The following PKNOX2 variants were observed in gnomAD, a reference collection of about 807,000 sequenced individuals.
PKNOX2 encodes PBX/knotted 1 homeobox 2.
Under a neutral mutation model 53.1 loss-of-function variants are expected in PKNOX2, and 14 were observed. The observed-to-expected ratio is 0.26, with a 90% CI of 0.17 to 0.41. The LOEUF is 0.41. Ranked by LOEUF, PKNOX2 falls within the 10% of genes least tolerant of loss-of-function variation. The pLI, the probability that PKNOX2 is intolerant of heterozygous loss-of-function variation, is 1.00. For missense variants in PKNOX2, 496 were observed against 602.8 expected (o/e 0.82, Z 1.85); for synonymous variants, 257 against 242.8 (o/e 1.06, Z -0.54).
chr11:125,257,692 C>G (rs12285617), intron 2 of PKNOX2, among the ~76,000 whole-genome samples: 49,063 of 152,118 alleles, frequency 0.32, 8,227 homozygotes, highest in African/African-American at 0.35. Context: ...GTCCACCACA[C>G]GGCAAGGACT....
chr11:125,317,055 A>G (rs1308043021), intron 2 of PKNOX2, among the ~76,000 whole-genome samples: 1 of 152,208 alleles, frequency 6.6e-6, no homozygotes, highest in Non-Finnish European at 1.5e-5. Flanking sequence ...CTTCACCAGG[A>G]GGAGATTCCA....
chr11:125,182,731 T>C (rs1956222671), intron 1 of PKNOX2, among the ~76,000 whole-genome samples: 1 of 152,178 alleles, frequency 6.6e-6, no homozygotes, highest in Non-Finnish European at 1.5e-5. Flanking sequence ...TCCAAATTCA[T>C]GGCTCCTGGC....
chr11:125,291,456 G>A (rs1371188219), intron 2 of PKNOX2, among the ~76,000 whole-genome samples: 1 of 152,176 alleles, frequency 6.6e-6, no homozygotes, highest in African/African-American at 2.4e-5. Flanking sequence ...AGCACAGACT[G>A]AGTCATCTTC....
intron 2 of PKNOX2, among the ~76,000 whole-genome samples, chr11:125,324,509 A>G (rs1205698489): frequency 6.6e-6 from 1 of 152,128 alleles, no homozygotes; most frequent in African/African-American, 2.4e-5. Flanking sequence ...TTGAGATTCC[A>G]TTTAGGATTA....
intron 2 of PKNOX2, among the ~76,000 whole-genome samples, chr11:125,291,433 C>A (rs868454023): frequency 6.6e-6 from 1 of 152,180 alleles, no homozygotes; most frequent in Non-Finnish European, 1.5e-5. Flanking sequence ...GTGCACAGAA[C>A]TCTGTCTCCT....
Position 125,391,904 on chromosome 11 carries a change from A to T in PKNOX2, c.400-5970A>T, listed in dbSNP as rs115874704. Among the ~76,000 whole-genome samples the T allele has an allele frequency of 5.9e-3, 904 of 152,316 alleles. 10 individuals carry two copies. Among genetic ancestry groups the T allele is most frequent in the African/African-American group, 0.02 (827 of 41,556 alleles). ...AGTGGCATTGTTATTGCCCTAGAAG[A>T]TTTGGAATAAATTTTCACATGACCC... is the stretch of plus-strand genomic sequence containing the variant. On this transcript the variant is annotated intron_variant, in intron 6 of 12. Coordinates refer to ENST00000298282, the MANE Select transcript of PKNOX2 (RefSeq NM_001382323.2).
chr11:125,252,010 C>A, intron 2 of PKNOX2, among the ~76,000 whole-genome samples: 1 of 152,072 alleles, frequency 6.6e-6, no homozygotes, highest in East Asian at 1.9e-4. Flanking sequence ...GCTTATAGAA[C>A]GGTAGCAAAG....
intron 2 of PKNOX2, chr11:125,287,622 G>C (rs547144539): frequency 6.6e-6 from 1 of 152,186 alleles, no homozygotes; most frequent in African/African-American, 2.4e-5. Context: ...GGAGCAACAC[G>C]TGGTGTTGGG....
chr11:125,235,278 C>T (rs1942572475), intron 2 of PKNOX2, among the ~76,000 whole-genome samples, 163 bp downstream of exon 2: 1 of 152,232 alleles, frequency 6.6e-6, no homozygotes, highest in Non-Finnish European at 1.5e-5. Flanking sequence ...TAGATTATGT[C>T]TGAATGTGAC....
intron 1 of PKNOX2, among the ~76,000 whole-genome samples, chr11:125,196,132 A>G (rs1397655925): frequency 1.3e-5 from 2 of 152,108 alleles, no homozygotes. Context: ...TTTTGCACAC[A>G]AAGCATGGAG....
At chr11:125,192,280 C>T (rs1430836665) in intron 1 of PKNOX2, among the ~76,000 whole-genome samples, 1 of 152,176 alleles carries the variant, frequency 6.6e-6, no homozygotes, top group East Asian at 1.9e-4. Context: ...CTCCAGGGTC[C>T]CGGCAGAGCC....
intron 1 of PKNOX2, among the ~76,000 whole-genome samples, chr11:125,224,233 C>T (rs1941481151): frequency 6.6e-6 from 1 of 152,374 alleles, no homozygotes; most frequent in East Asian, 1.9e-4. Context: ...GTCGCCCGGG[C>T]CAGCCCATCC....
At chr11:125,394,348 G>A (rs1954257927) in intron 6 of PKNOX2, among the ~76,000 whole-genome samples, 1 of 152,232 alleles carries the variant, frequency 6.6e-6, no homozygotes, top group South Asian at 2.1e-4. Context: ...GTCTCCCTCA[G>A]TCTCAGCCCC....
At chr11:125,178,609 GGAAA>G (rs369928323) in intron 1 of PKNOX2, among the ~76,000 whole-genome samples, 3 of 46,228 alleles carry the variant, frequency 6.5e-5, no homozygotes, top group African/African-American at 3.8e-4. Flanking sequence ...AAGGAAGGAA[GGAAA>G]GAAAGAAAGA....
chr11:125,351,556 C>T lies in PKNOX2; in HGVS notation c.87+164C>T, dbSNP rs1258920507. On this transcript the variant is annotated intron_variant, in intron 4 of 12. Transcript: ENST00000298282. ...GGCTCTTTCCCGTCAGCCTGGGGAG[C>T]GAGAGCCCTGCAAACACAGACCCCG... Among the ~76,000 whole-genome samples the T allele has an allele frequency of 3.9e-5, 6 of 152,208 alleles. No homozygotes were observed. The South Asian group carries it at 8.3e-4, about 21-fold the overall frequency.
intron 6 of PKNOX2, among the ~76,000 whole-genome samples, chr11:125,388,916 C>A (rs954966764): frequency 6.6e-6 from 1 of 152,158 alleles, no homozygotes; most frequent in African/African-American, 2.4e-5. Context: ...TAGGGAGGGC[C>A]GGGAACCGTG....
chr11:125,264,289 GA>G, intron 2 of PKNOX2, among the ~76,000 whole-genome samples: 1 of 152,272 alleles, frequency 6.6e-6, no homozygotes, highest in East Asian at 1.9e-4. Flanking sequence ...CTCCTGGGCT[GA>G]GCTCACCGTA....
chr11:125,206,287 A>G (rs1421179740), intron 1 of PKNOX2, among the ~76,000 whole-genome samples: 1 of 152,126 alleles, frequency 6.6e-6, no homozygotes, highest in Non-Finnish European at 1.5e-5. Flanking sequence ...GGAGGTTGGC[A>G]GGAACCAGCC....
At chr11:125,263,810 G>C (rs1477562220) in intron 2 of PKNOX2, among the ~76,000 whole-genome samples, 1 of 152,236 alleles carries the variant, frequency 6.6e-6, no homozygotes, top group African/African-American at 2.4e-5. Context: ...GGCCAGCTTG[G>C]CCCAGTTGGA....
Sources: gnomAD v4.1 joint callset for allele counts (sites outside exome capture counted in the v4.1 genomes callset) on GRCh38, gnomAD v4.1.1 for gene constraint, MANE v1.5 for transcripts, NCBI Gene and HGNC (gene_info 2026-07-23, HGNC 2026-07-21) for gene names.